SOX5: variants seen among roughly 807,000 people sequenced by gnomAD.
SOX5 encodes transcription factor SOX-5.
In SOX5, 9 loss-of-function variants were observed where a neutral mutation model predicts 92.0. That is an observed-to-expected ratio of 0.10 (90% CI 0.06 to 0.17). SOX5 has a LOEUF of 0.17. SOX5 is among the 10% of genes least tolerant of loss of function. The probability of loss-of-function intolerance (pLI) is 1.00; values close to 1 mark genes in which losing one functional copy is unlikely to be tolerated. For synonymous variants in SOX5, 344 were observed against 336.3 expected, an observed-to-expected ratio of 1.02 and a Z score of -0.25; for missense variants, 642 against 944.5, an observed-to-expected ratio of 0.68 and a Z score of 4.20.
At chr12:23,656,308 T>C (rs2082296911) in intron 7 of SOX5, among the ~76,000 whole-genome samples, 1 of 152,086 alleles carries the variant, frequency 6.6e-6, no homozygotes, top group African/African-American at 2.4e-5. Context: ...AATTCTCCAT[T>C]AACAAACTCA....
intron 4 of SOX5, among the ~76,000 whole-genome samples, chr12:24,189,185 T>C (rs1200139755): frequency 6.6e-6 from 1 of 152,150 alleles, no homozygotes; most frequent in Non-Finnish European, 1.5e-5. Flanking sequence ...TCTATTCAAG[T>C]ACAGGCACTC....
At chr12:24,310,703 C>T (rs1266959844) in intron 2 of SOX5, among the ~76,000 whole-genome samples, 1 of 152,092 alleles carries the variant, frequency 6.6e-6, no homozygotes, top group Non-Finnish European at 1.5e-5. Context: ...ATAGAGAGTG[C>T]AATTTTAACA....
chr12:23,871,072 G>A (rs2096867692), intron 2 of SOX5, among the ~76,000 whole-genome samples: 1 of 151,910 alleles, frequency 6.6e-6, no homozygotes, highest in South Asian at 2.1e-4. Context: ...AACTTTTAAG[G>A]TGTATATTTT....
At chr12:24,143,288 C>A (rs967702535) in intron 4 of SOX5, among the ~76,000 whole-genome samples, 1 of 151,994 alleles carries the variant, frequency 6.6e-6, no homozygotes, top group Non-Finnish European at 1.5e-5. Flanking sequence ...GTAAACTTCA[C>A]CAAATCTGGT....
chr12:24,058,925 C>A (rs1470370675), intron 4 of SOX5, among the ~76,000 whole-genome samples: 3 of 152,142 alleles, frequency 2.0e-5, no homozygotes, highest in Non-Finnish European at 4.4e-5. Flanking sequence ...TGTCAAGGGG[C>A]CTTTCCATGA....
intron 4 of SOX5, among the ~76,000 whole-genome samples, chr12:24,137,636 A>C (rs1214800928): frequency 6.6e-6 from 1 of 151,964 alleles, no homozygotes; most frequent in Non-Finnish European, 1.5e-5. Flanking sequence ...GTCTCAAAAA[A>C]ACAAAAACAA....
chr12:24,199,431 C>A (rs1388207862), intron 4 of SOX5, among the ~76,000 whole-genome samples: 1 of 152,122 alleles, frequency 6.6e-6, no homozygotes, highest in Non-Finnish European at 1.5e-5. Context: ...TACATTGAAC[C>A]AATTAAACTT....
intron 6 of SOX5, among the ~76,000 whole-genome samples, chr12:23,726,161 G>C (rs907393329): frequency 1.8e-5 from 1 of 55,078 alleles, no homozygotes; most frequent in African/African-American, 6.6e-5. Context: ...GAGAGAGAGA[G>C]AGAGAGAGAG....
intron 1 of SOX5, among the ~76,000 whole-genome samples, chr12:24,465,267 T>C (rs1411235058): frequency 6.6e-6 from 1 of 152,222 alleles, no homozygotes; most frequent in African/African-American, 2.4e-5. Flanking sequence ...GTACTATCAT[T>C]CCTAATCGTT....
intron 2 of SOX5, among the ~76,000 whole-genome samples, chr12:24,348,941 A>G (rs991614326): frequency 6.6e-6 from 1 of 152,134 alleles, no homozygotes; most frequent in African/African-American, 2.4e-5. Context: ...ACCTTCCACC[A>G]TGACTGTGAG....
chr12:24,050,084 C>CAAAAAAAAA (rs10687571), intron 4 of SOX5, among the ~76,000 whole-genome samples: 4 of 74,244 alleles, frequency 5.4e-5, no homozygotes, highest in Admixed American at 4.1e-4. Flanking sequence ...GGCGCAGAGG[C>CAAAAAAAAA]AAAAAAAAAA....
At chr12:24,007,153 AT>A (rs1320385633) in intron 4 of SOX5, among the ~76,000 whole-genome samples, 3 of 74,594 alleles carry the variant, frequency 4.0e-5, no homozygotes, top group Non-Finnish European at 5.9e-5. Flanking sequence ...ATATATATAT[AT>A]ATATATACAT....
At chr12:23,751,498 G>T (rs535752996) in intron 4 of SOX5, among the ~76,000 whole-genome samples, 2 of 151,830 alleles carry the variant, frequency 1.3e-5, no homozygotes, top group African/African-American at 4.8e-5. Context: ...TTCTAAGCCT[G>T]CTTTTTTCAA....
At chr12:23,709,009 C>A (rs1483412451) in intron 6 of SOX5, among the ~76,000 whole-genome samples, 1 of 152,094 alleles carries the variant, frequency 6.6e-6, no homozygotes, top group East Asian at 1.9e-4. Flanking sequence ...GTTGTATTGA[C>A]TAAGAATCAT....
chr12:23,763,741 T>G (rs913731662), intron 3 of SOX5, among the ~76,000 whole-genome samples: 1 of 152,108 alleles, frequency 6.6e-6, no homozygotes, highest in African/African-American at 2.4e-5. Flanking sequence ...TTTAAGCCAG[T>G]GCTGTTGACA....
intron 3 of SOX5, among the ~76,000 whole-genome samples, chr12:23,841,002 A>T (rs926560213): frequency 4.6e-5 from 7 of 152,150 alleles, no homozygotes; most frequent in Admixed American, 2.0e-4. Flanking sequence ...TATTAAAATT[A>T]AAATGTTTAT....
intron 3 of SOX5, among the ~76,000 whole-genome samples, chr12:23,834,276 G>T (rs980387222): frequency 6.6e-6 from 1 of 151,882 alleles, no homozygotes; most frequent in Non-Finnish European, 1.5e-5. Flanking sequence ...AAGATTGCAT[G>T]ACAACATGTA....
intron 2 of SOX5, among the ~76,000 whole-genome samples, chr12:24,320,850 G>A (rs1292170922): frequency 1.4e-5 from 2 of 144,216 alleles, no homozygotes; most frequent in African/African-American, 5.4e-5. Flanking sequence ...GGGCGACAGA[G>A]CAAGACTCTG....
intron 1 of SOX5, among the ~76,000 whole-genome samples, chr12:24,444,535 T>C (rs185221055): frequency 1.2e-4 from 18 of 152,308 alleles, no homozygotes. Flanking sequence ...TGAATTCAAC[T>C]GTAGGAGATG....
Sources: gnomAD v4.1 joint callset for allele counts (sites outside exome capture counted in the v4.1 genomes callset) on GRCh38, gnomAD v4.1.1 for gene constraint, MANE v1.5 for transcripts, NCBI Gene and HGNC (gene_info 2026-07-23, HGNC 2026-07-21) for gene names.